Variants in FBXL2 observed in about 807,000 individuals in gnomAD.
The protein encoded by FBXL2 is F-box and leucine rich repeat protein 2.
A neutral mutation model predicts 69.2 loss-of-function variants in FBXL2; 38 were observed. The ratio of observed to expected loss-of-function variants is 0.55; its 90% CI spans 0.42 to 0.72. FBXL2 has a LOEUF of 0.72. Among genes scored for constraint, FBXL2 ranks in the 30% least tolerant of loss-of-function variants. The pLI, the probability that FBXL2 is intolerant of heterozygous loss-of-function variation, is 0.00. For missense variants in FBXL2, 354 were observed against 520.3 expected (o/e 0.68, Z 3.11); for synonymous variants, 192 against 201.3 (o/e 0.95, Z 0.39).
chr3:33,322,172 G>T (rs927421650), intron 2 of FBXL2, among the ~76,000 whole-genome samples: 1 of 144,146 alleles, frequency 6.9e-6, no homozygotes, highest in Non-Finnish European at 1.5e-5. Context: ...CTGCCTCCCG[G>T]GTTCACAGCA....
chr3:33,319,477 A>G (rs2038009929), intron 2 of FBXL2, among the ~76,000 whole-genome samples: 1 of 152,280 alleles, frequency 6.6e-6, no homozygotes, highest in African/African-American at 2.4e-5. Context: ...TTTAACAGCT[A>G]CTTCCTGAAC....
intron 2 of FBXL2, chr3:33,300,547 T>G (rs1198836362): frequency 6.6e-6 from 1 of 152,218 alleles, no homozygotes; most frequent in Non-Finnish European, 1.5e-5. Context: ...TTTAAAATAT[T>G]GCCACTACAG....
At chr3:33,311,135 A>G (rs2037156511) in intron 2 of FBXL2, among the ~76,000 whole-genome samples, 1 of 152,212 alleles carries the variant, frequency 6.6e-6, no homozygotes, top group African/African-American at 2.4e-5. Flanking sequence ...GTTTCTGCTA[A>G]GAAATTTGCT....
chr3:33,300,961 C>T (rs1418949029), intron 2 of FBXL2, among the ~76,000 whole-genome samples: 1 of 152,008 alleles, frequency 6.6e-6, no homozygotes, highest in Non-Finnish European at 1.5e-5. Flanking sequence ...CCTTGGCCTC[C>T]CAAAGTGCTG....
the FBXL2 span, chr3:33,412,736 C>G: frequency 6.2e-7 from 1 of 1,612,470 alleles, no homozygotes; most frequent in Non-Finnish European, 8.5e-7. Flanking sequence ...ATCAAGAAGT[C>G]TGTCTCCTGG....
chr3:33,346,603 A>C (rs755951075), intron 2 of FBXL2, among the ~76,000 whole-genome samples: 3 of 152,032 alleles, frequency 2.0e-5, no homozygotes, highest in Non-Finnish European at 2.9e-5. Context: ...AAAAAATAAA[A>C]AGGAGTAGAA....
intron 5 of FBXL2, among the ~76,000 whole-genome samples, chr3:33,369,094 C>T (rs974322418): frequency 6.6e-6 from 1 of 151,140 alleles, no homozygotes; most frequent in African/African-American, 2.4e-5. Context: ...CTCTGTTGCC[C>T]AGGCTGCAGT....
At chr3:33,278,760 G>A (rs2033626289) in intron 1 of FBXL2, among the ~76,000 whole-genome samples, 1 of 152,096 alleles carries the variant, frequency 6.6e-6, no homozygotes, top group South Asian at 2.1e-4. Context: ...TTTTTAAATT[G>A]CGAATTGCTT....
chr3:33,359,508 TCAAAA>T (rs1003140314), intron 4 of FBXL2, 151 bp downstream of exon 4: 1 of 493,904 alleles, frequency 2.0e-6, no homozygotes, highest in South Asian at 3.3e-5. Context: ...TTTGCATACA[TCAAAA>T]CAAAACCCTG....
At chr3:33,356,050 AG>A (rs1398006262) in intron 2 of FBXL2, among the ~76,000 whole-genome samples, 3 of 152,132 alleles carry the variant, frequency 2.0e-5, no homozygotes, top group Non-Finnish European at 4.4e-5. Flanking sequence ...TCATAAAACT[AG>A]GTATGAGATG....
At chr3:33,412,362 TATAC>T in the FBXL2 span, among the ~76,000 whole-genome samples, 2 of 151,926 alleles carry the variant, frequency 1.3e-5, no homozygotes, top group African/African-American at 4.8e-5. Context: ...AAATAATGTA[TATAC>T]ATACATACAT....
chr3:33,322,202 C>T (rs540199637), intron 2 of FBXL2, among the ~76,000 whole-genome samples: 10 of 151,006 alleles, frequency 6.6e-5, no homozygotes, highest in African/African-American at 1.5e-4. Flanking sequence ...CTCAGCCTCC[C>T]GAGTAGCTGG....
chr3:33,294,668 A>G (rs561388367), intron 1 of FBXL2, among the ~76,000 whole-genome samples: 5 of 152,064 alleles, frequency 3.3e-5, no homozygotes, highest in African/African-American at 1.2e-4. Context: ...GGGAGATCCT[A>G]TCTCTACAAA....
At chr3:33,287,684 G>A (rs897315808) in intron 1 of FBXL2, among the ~76,000 whole-genome samples, 1 of 152,256 alleles carries the variant, frequency 6.6e-6, no homozygotes, top group East Asian at 1.9e-4. Context: ...AATTGAGTAG[G>A]CAGTTTGCCC....
intron 1 of FBXL2, among the ~76,000 whole-genome samples, chr3:33,286,345 G>C (rs2034612326): frequency 6.6e-6 from 1 of 152,212 alleles, no homozygotes; most frequent in Non-Finnish European, 1.5e-5. Flanking sequence ...GGAGGCATCA[G>C]AACAGCAAAT....
the FBXL2 span, chr3:33,412,583 A>G: frequency 8.0e-6 from 1 of 124,380 alleles, no homozygotes; most frequent in South Asian, 1.9e-4. Context: ...CTCTGTCTCA[A>G]AAAAAAAAAA....
intron 5 of FBXL2, among the ~76,000 whole-genome samples, chr3:33,368,081 G>A (rs2042066161): frequency 6.6e-6 from 1 of 152,142 alleles, no homozygotes; most frequent in African/African-American, 2.4e-5. Context: ...GTTATACCCT[G>A]AATCCTTTTA....
At chr3:33,390,659 A>C, downstream of FBXL2, 1 of 453,946 alleles carries the variant, frequency 2.2e-6, no homozygotes. Flanking sequence ...ACACACAATA[A>C]TAGTGCTGTC....
rs1254882480 is a variant in FBXL2, at chr3:33,373,244, G to A, written c.360-16G>A. 2.2e-5 allele frequency: 36 copies of A among 1,613,376 alleles called. No individual in the cohort carries two copies. Among genetic ancestry groups the A allele is most frequent in the Admixed American group, 5.0e-5 (3 of 59,994 alleles). The stretch of plus-strand genomic sequence containing the variant: ...ACGTGGTTGAAAATATCTTTAGTGC[G>A]TCTGCTCTTTTTCAGCACGTGTTAT... On this transcript the variant is annotated splice_polypyrimidine_tract_variant and intron_variant, in intron 6 of 14. Transcript: ENST00000484457.
Sources: gnomAD v4.1 joint callset for allele counts (sites outside exome capture counted in the v4.1 genomes callset) on GRCh38, gnomAD v4.1.1 for gene constraint, MANE v1.5 for transcripts, NCBI Gene and HGNC (gene_info 2026-07-23, HGNC 2026-07-21) for gene names.